Variants in FAM13A observed in about 807,000 individuals in gnomAD.
FAM13A encodes protein FAM13A.
FAM13A carries 76 observed loss-of-function variants against 129.6 expected under a neutral mutation model. The ratio of observed to expected loss-of-function variants is 0.59; its 90% CI spans 0.49 to 0.71. The LOEUF is 0.71. Ranked by LOEUF, FAM13A falls within the 30% of genes least tolerant of loss-of-function variation. The pLI is 0.00. For missense variants in FAM13A, 1,108 were observed against 1,249.3 expected (o/e 0.89, Z 1.70); for synonymous variants, 443 against 449.9 (o/e 0.98, Z 0.20).
chr4:88,970,921 G>A (rs1903007), intron 4 of FAM13A, among the ~76,000 whole-genome samples: 105,429 of 152,136 alleles, frequency 0.69, 36,654 homozygotes, highest in Middle Eastern at 0.8. Flanking sequence ...AAAAAGCACA[G>A]AAGTTGGCCG....
At chr4:88,952,670 C>T (rs893203392) in intron 4 of FAM13A, among the ~76,000 whole-genome samples, 18 of 152,124 alleles carry the variant, frequency 1.2e-4, no homozygotes, top group Admixed American at 5.2e-4. Context: ...ACTTGAGGCC[C>T]GGTACAGTGG....
At chr4:88,832,967 A>C (rs999700433) in intron 7 of FAM13A, among the ~76,000 whole-genome samples, 3 of 152,148 alleles carry the variant, frequency 2.0e-5, no homozygotes, top group African/African-American at 7.2e-5. Context: ...TAGCAAAGAC[A>C]TGGAATGAAC....
At chr4:88,975,026 T>C (rs930077586) in intron 4 of FAM13A, among the ~76,000 whole-genome samples, 10 of 152,132 alleles carry the variant, frequency 6.6e-5, no homozygotes, top group Admixed American at 6.6e-5. Context: ...ATACAGTATG[T>C]ACTCAAAAAA....
chr4:88,946,846 A>C (rs1020427263), intron 4 of FAM13A, among the ~76,000 whole-genome samples: 1 of 152,184 alleles, frequency 6.6e-6, no homozygotes, highest in Non-Finnish European at 1.5e-5. Flanking sequence ...AAGTGCTTGC[A>C]TAAAGCCACC....
chr4:88,920,179 C>G (rs2148710403), intron 5 of FAM13A, among the ~76,000 whole-genome samples: 1 of 152,304 alleles, frequency 6.6e-6, no homozygotes, highest in East Asian at 1.9e-4. Context: ...CCCTGTCTGA[C>G]AGCTTTGAAG....
intron 14 of FAM13A, chr4:88,753,708 T>C (rs1299001218): frequency 1.8e-6 from 1 of 569,962 alleles, no homozygotes; most frequent in African/African-American, 2.0e-5. Flanking sequence ...TGACATGTAA[T>C]ACACAGTTCA....
At chr4:88,780,945 T>C (rs1722720388) in intron 11 of FAM13A, among the ~76,000 whole-genome samples, 1 of 151,292 alleles carries the variant, frequency 6.6e-6, no homozygotes. Flanking sequence ...GAAATCAGAA[T>C]GTGTGGTGTC....
chr4:88,785,383 AGGCTATATTAAT>A lies in FAM13A; in HGVS notation c.1271+2358_1271+2369del, dbSNP rs568590864. Among the ~76,000 whole-genome samples, 11 of 152,230 alleles carry A rather than the reference AGGCTATATTAAT, an allele frequency of 7.2e-5. No homozygotes were observed. The East Asian group carries it at 2.1e-3, about 29-fold the overall frequency. On this transcript the variant is annotated intron_variant, in intron 10 of 23. Coordinates refer to ENST00000264344, the MANE Select transcript of FAM13A (RefSeq NM_014883.4). ...TATACTATGACGAACTCTTGACTGT[AGGCTATATTAAT>A]GATTCTTGATCTTCTTATAATTTAT...
At chr4:88,767,925 A>T (rs1457079547) in intron 12 of FAM13A, 58 bp downstream of exon 12, 1 of 1,046,336 alleles carries the variant, frequency 9.6e-7, no homozygotes, top group East Asian at 2.4e-5. Context: ...ATTGCATTAC[A>T]TGAAAATAAC....
At chr4:88,800,312 T>C (rs1189573968) in intron 8 of FAM13A, among the ~76,000 whole-genome samples, 2 of 152,206 alleles carry the variant, frequency 1.3e-5, no homozygotes, top group African/African-American at 2.4e-5. Context: ...AACCTTTGTT[T>C]ATATTTTACC....
At chr4:88,807,045 T>G (rs1728695602) in intron 7 of FAM13A, among the ~76,000 whole-genome samples, 2 of 152,176 alleles carry the variant, frequency 1.3e-5, no homozygotes, top group South Asian at 4.1e-4. Flanking sequence ...AGGAAAGGCC[T>G]CCATATTTTG....
chr4:89,019,698 T>C (rs1266689319), intron 3 of FAM13A, among the ~76,000 whole-genome samples: 1 of 148,982 alleles, frequency 6.7e-6, no homozygotes, highest in African/African-American at 2.5e-5. Context: ...GAGGCAGAAG[T>C]TGCAGTGAGC....
At chr4:89,037,077 A>AC (rs1769482424) in intron 1 of FAM13A, among the ~76,000 whole-genome samples, 1 of 152,204 alleles carries the variant, frequency 6.6e-6, no homozygotes, top group Non-Finnish European at 1.5e-5. Context: ...CCCCACTGGG[A>AC]CACTGCCTAG....
At chr4:88,941,240 C>T (rs1400445580) in intron 4 of FAM13A, among the ~76,000 whole-genome samples, 1 of 152,174 alleles carries the variant, frequency 6.6e-6, no homozygotes, top group African/African-American at 2.4e-5. Flanking sequence ...GAGAAAATAT[C>T]CAACTTCCCA....
chr4:88,817,502 G>C (rs937711659), intron 7 of FAM13A, among the ~76,000 whole-genome samples: 2 of 151,692 alleles, frequency 1.3e-5, no homozygotes, highest in African/African-American at 4.8e-5. Context: ...GGCAGAGGTT[G>C]CAATGAGCCA....
intron 4 of FAM13A, among the ~76,000 whole-genome samples, chr4:88,986,293 C>T (rs1762237440): frequency 6.6e-6 from 1 of 152,156 alleles, no homozygotes; most frequent in African/African-American, 2.4e-5. Context: ...GCCACCACAC[C>T]TGGCTAATTT....
At chr4:88,800,279 C>T (rs1467381474) in intron 8 of FAM13A, among the ~76,000 whole-genome samples, 2 of 152,196 alleles carry the variant, frequency 1.3e-5, no homozygotes, top group Non-Finnish European at 2.9e-5. Context: ...CTGAACTGTA[C>T]ATTTAAAAAT....
intron 5 of FAM13A, among the ~76,000 whole-genome samples, chr4:88,912,860 G>C (rs1260411648): frequency 6.6e-6 from 1 of 151,940 alleles, no homozygotes; most frequent in African/African-American, 2.4e-5. Context: ...ACATTCCTGT[G>C]GTCCTAGATA....
At chr4:88,745,850 C>A (rs1337612691) in intron 19 of FAM13A, among the ~76,000 whole-genome samples, 2 of 150,100 alleles carry the variant, frequency 1.3e-5, no homozygotes, top group Non-Finnish European at 3.0e-5. Context: ...TCAGTGCCAG[C>A]ATTTTTTTTT....
Sources: gnomAD v4.1 joint callset for allele counts (sites outside exome capture counted in the v4.1 genomes callset) on GRCh38, gnomAD v4.1.1 for gene constraint, MANE v1.5 for transcripts, NCBI Gene and HGNC (gene_info 2026-07-23, HGNC 2026-07-21) for gene names.